The following ATXN1 variants were observed in gnomAD, a reference collection of about 807,000 sequenced individuals.
ATXN1 encodes ataxin 1, also known as ataxin-1.
In ATXN1, 8 loss-of-function variants were observed where a neutral mutation model predicts 56.4. The observed-to-expected ratio is 0.14, with a 90% confidence interval of 0.08 to 0.26. The LOEUF is 0.26. Among genes scored for constraint, ATXN1 ranks in the 10% least tolerant of loss-of-function variants. The pLI, the probability that ATXN1 is intolerant of heterozygous loss-of-function variation, is 1.00. For synonymous variants in ATXN1, 514 were observed against 494.6 expected, an observed-to-expected ratio of 1.04 and a Z score of -0.52; for missense variants, 987 against 1,106.5, an observed-to-expected ratio of 0.89 and a Z score of 1.53.
At chr6:16,605,065 T>C (rs1396345821) in intron 3 of ATXN1, among the ~76,000 whole-genome samples, 3 of 152,138 alleles carry the variant, frequency 2.0e-5, no homozygotes, top group African/African-American at 7.2e-5. Context: ...TGAGGAACAA[T>C]AAAAAGTGTT....
At chr6:16,746,931 G>A (rs561498621) in intron 2 of ATXN1, among the ~76,000 whole-genome samples, 8 of 152,118 alleles carry the variant, frequency 5.3e-5, no homozygotes, top group African/African-American at 1.9e-4. Flanking sequence ...ACCTCCTTGT[G>A]TTTTGGAGAC....
intron 4 of ATXN1, among the ~76,000 whole-genome samples, chr6:16,538,340 T>G (rs2299084): frequency 0.33 from 50,089 of 152,044 alleles, 8,340 homozygotes; most frequent in Non-Finnish European, 0.36. Flanking sequence ...TAGAGCAGTA[T>G]TATAGGTGTT....
rs1762250804 is a variant in ATXN1, at chr6:16,567,492, AG to A, written c.-361+18287del. On this transcript the variant is annotated intron_variant, in intron 4 of 7. Coordinates refer to ENST00000436367, the MANE Select transcript of ATXN1 (RefSeq NM_001128164.2). ...TTTCCACTGCAAGGGTGCATGTGTGAGGGGGGAACAAAGTATTCTTTTTAAT... is the reference window on the plus strand; with the variant it reads ...TTTCCACTGCAAGGGTGCATGTGTGAGGGGGAACAAAGTATTCTTTTTAAT... Among the ~76,000 whole-genome samples, 5 of 152,226 alleles carry A rather than the reference AG, an allele frequency of 3.3e-5. No individual in the cohort carries two copies. The South Asian group carries it at 1.0e-3, about 32-fold the overall frequency.
At chr6:16,758,381 T>C (rs536581728) in intron 1 of ATXN1, among the ~76,000 whole-genome samples, 13 of 152,316 alleles carry the variant, frequency 8.5e-5, no homozygotes, top group Non-Finnish European at 1.3e-4. Context: ...AAGTACCAAA[T>C]ACTTGTTGAT....
At chr6:16,711,399 A>C (rs1488019746) in intron 2 of ATXN1, among the ~76,000 whole-genome samples, 3 of 152,108 alleles carry the variant, frequency 2.0e-5, no homozygotes, top group African/African-American at 4.8e-5. Context: ...AAAAATGATA[A>C]ATTAGACTTC....
intron 3 of ATXN1, among the ~76,000 whole-genome samples, chr6:16,597,016 C>T (rs1561771746): frequency 6.6e-6 from 1 of 152,166 alleles, no homozygotes; most frequent in Non-Finnish European, 1.5e-5. Context: ...ACCTGCAGGG[C>T]GCAGGGTGTC....
chr6:16,427,206 GC>G (rs1394730486), intron 6 of ATXN1, among the ~76,000 whole-genome samples: 1 of 152,106 alleles, frequency 6.6e-6, no homozygotes. Context: ...GGGTTTCTCA[GC>G]CTTGGCACTG....
At chr6:16,607,953 A>G (rs1037204547) in intron 3 of ATXN1, among the ~76,000 whole-genome samples, 7 of 152,228 alleles carry the variant, frequency 4.6e-5, no homozygotes, top group Non-Finnish European at 4.4e-5. Flanking sequence ...TATGACATCC[A>G]CTTCCCATAT....
intron 3 of ATXN1, among the ~76,000 whole-genome samples, chr6:16,588,838 C>T (rs115504894): frequency 6.6e-6 from 1 of 152,118 alleles, no homozygotes; most frequent in Non-Finnish European, 1.5e-5. Context: ...AAGGTCATCC[C>T]TTAATCATAC....
intron 6 of ATXN1, among the ~76,000 whole-genome samples, chr6:16,338,727 C>G (rs1761180181): frequency 6.6e-6 from 1 of 152,162 alleles, no homozygotes; most frequent in Non-Finnish European, 1.5e-5. Context: ...TGTTGCTCAT[C>G]TCTCCTGGCC....
intron 7 of ATXN1, among the ~76,000 whole-genome samples, chr6:16,323,005 G>A (rs149751784): frequency 0.013 from 1,950 of 152,270 alleles, 21 homozygotes; most frequent in Non-Finnish European, 0.022. Flanking sequence ...CCACGCGGGG[G>A]CCAACCTCAC....
intron 2 of ATXN1, among the ~76,000 whole-genome samples, chr6:16,663,864 T>C (rs1236862942): frequency 2.0e-5 from 3 of 152,112 alleles, no homozygotes; most frequent in Non-Finnish European, 2.9e-5. Context: ...GATGGAATAT[T>C]CTTTATTTTG....
chr6:16,380,524 A>G (rs985622420), intron 6 of ATXN1, among the ~76,000 whole-genome samples: 1 of 151,496 alleles, frequency 6.6e-6, no homozygotes, highest in Non-Finnish European at 1.5e-5. Context: ...TGCCAGACAC[A>G]TTTCAGATGT....
At chr6:16,369,489 G>A (rs1480342789) in intron 6 of ATXN1, among the ~76,000 whole-genome samples, 1 of 152,238 alleles carries the variant, frequency 6.6e-6, no homozygotes, top group East Asian at 1.9e-4. Flanking sequence ...GAAATGAGCA[G>A]CAGAATCACA....
At chr6:16,610,537 C>T (rs72825556) in intron 3 of ATXN1, among the ~76,000 whole-genome samples, 3,406 of 151,932 alleles carry the variant, frequency 0.022, 69 homozygotes, top group Non-Finnish European at 0.033. Flanking sequence ...GGTTCTGATA[C>T]AAAAATTCCA....
At chr6:16,403,220 G>A (rs1015810677) in intron 6 of ATXN1, among the ~76,000 whole-genome samples, 6 of 152,142 alleles carry the variant, frequency 3.9e-5, no homozygotes, top group Non-Finnish European at 5.9e-5. Context: ...GTTCAACTTT[G>A]GAAATGCATC....
intron 2 of ATXN1, among the ~76,000 whole-genome samples, chr6:16,746,869 T>G (rs1053824339): frequency 6.6e-6 from 1 of 152,152 alleles, no homozygotes; most frequent in African/African-American, 2.4e-5. Context: ...AATCTATTCA[T>G]GGAACTGTAC....
At chr6:16,445,673 C>T (rs916547350) in intron 6 of ATXN1, among the ~76,000 whole-genome samples, 9 of 109,014 alleles carry the variant, frequency 8.3e-5, no homozygotes, top group African/African-American at 1.4e-4. Context: ...TCCCTCCCCC[C>T]TCCCCCCACC....
intron 3 of ATXN1, among the ~76,000 whole-genome samples, chr6:16,657,469 G>A (rs1376698802): frequency 1.3e-5 from 2 of 152,202 alleles, no homozygotes; most frequent in African/African-American, 4.8e-5. Flanking sequence ...TCTGGTAGAT[G>A]TAGTTTATTT....
Sources: gnomAD v4.1 joint callset for allele counts (sites outside exome capture counted in the v4.1 genomes callset) on GRCh38, gnomAD v4.1.1 for gene constraint, MANE v1.5 for transcripts, NCBI Gene and HGNC (gene_info 2026-07-23, HGNC 2026-07-21) for gene names.